NFIA: variants seen among roughly 807,000 people sequenced by gnomAD.
NFIA encodes nuclear factor I A, also known as nuclear factor 1 A-type.
Under a neutral mutation model 62.8 loss-of-function variants are expected in NFIA, and 8 were observed. The observed-to-expected ratio is 0.13, with a 90% CI of 0.07 to 0.23. The LOEUF (loss-of-function observed/expected upper bound fraction) is 0.23, where lower values mean the gene tolerates loss of function less well. Ranked by LOEUF, NFIA falls within the 10% of genes least tolerant of loss-of-function variation. The pLI, the probability that NFIA is intolerant of heterozygous loss-of-function variation, is 1.00. For synonymous variants in NFIA, 235 were observed against 238.1 expected (o/e 0.99, Z 0.12); for missense variants, 410 against 642.1 (o/e 0.64, Z 3.91).
Position 61,142,096 on chromosome 1 carries a change from TA to T in NFIA, c.559+53428del, listed in dbSNP as rs879607941. On this transcript the variant is annotated intron_variant, in intron 2 of 10. Transcript: ENST00000403491. ...TGAGTTTTTTTTCCTTTTCTTTCCT[TA>T]AAAAAAAAAAATTGTGCTTTTGGCA... 1.2e-3 allele frequency among the ~76,000 whole-genome samples: 175 copies of T among 146,496 alleles called. No individual in the cohort carries two copies. In the East Asian group the frequency reaches 0.014, roughly 11 times the overall value.
intron 2 of NFIA, among the ~76,000 whole-genome samples, chr1:61,272,166 T>C (rs942907588): frequency 3.9e-5 from 6 of 152,218 alleles, no homozygotes; most frequent in African/African-American, 1.4e-4. Context: ...AACCAGACCA[T>C]GATGGATAAT....
At chr1:61,389,199 A>C (rs7515667) in intron 7 of NFIA, among the ~76,000 whole-genome samples, 2,102 of 152,252 alleles carry the variant, frequency 0.014, 51 homozygotes, top group African/African-American at 0.048. Flanking sequence ...CTTCTCCTAG[A>C]CATGTTTCAG....
chr1:61,433,739 G>A (rs1228706406), intron 10 of NFIA, among the ~76,000 whole-genome samples: 3 of 152,080 alleles, frequency 2.0e-5, no homozygotes, highest in African/African-American at 7.2e-5. Flanking sequence ...AGTAGGCAGA[G>A]CTATTGTTAT....
chr1:61,356,117 A>G (rs1662939075), intron 5 of NFIA, among the ~76,000 whole-genome samples: 1 of 152,228 alleles, frequency 6.6e-6, no homozygotes, highest in Non-Finnish European at 1.5e-5. Context: ...ACTTGGATGA[A>G]TCCATGTCAC....
At chr1:61,348,102 CTG>C (rs1390954912) in intron 4 of NFIA, among the ~76,000 whole-genome samples, 1 of 152,212 alleles carries the variant, frequency 6.6e-6, no homozygotes, top group Non-Finnish European at 1.5e-5. Flanking sequence ...AAAGCTCTTT[CTG>C]TTCTCCAGAT....
intron 2 of NFIA, among the ~76,000 whole-genome samples, chr1:61,093,026 T>C: frequency 6.6e-6 from 1 of 152,344 alleles, no homozygotes; most frequent in Non-Finnish European, 1.5e-5. Flanking sequence ...AATATTATAA[T>C]TTTTATAAAT....
intron 2 of NFIA, among the ~76,000 whole-genome samples, chr1:61,202,433 A>G (rs964271108): frequency 6.6e-6 from 1 of 152,198 alleles, no homozygotes; most frequent in Non-Finnish European, 1.5e-5. Flanking sequence ...TTATTTGTGT[A>G]TGATCCTCAC....
intron 2 of NFIA, among the ~76,000 whole-genome samples, chr1:61,224,050 A>G (rs332831): frequency 0.66 from 100,767 of 151,836 alleles, 35,337 homozygotes; most frequent in African/African-American, 0.91. Context: ...AATGCTGATA[A>G]GATAGAATTT....
chr1:61,441,325 GTGTGTGTGTC>G (rs1283284356), intron 10 of NFIA, among the ~76,000 whole-genome samples: 3 of 150,218 alleles, frequency 2.0e-5, no homozygotes, highest in East Asian at 2.0e-4. Flanking sequence ...GTGTGTGTGT[GTGTGTGTGTC>G]TGTCTGTCTG....
chr1:61,176,009 G>A (rs1650316453), intron 2 of NFIA, among the ~76,000 whole-genome samples: 1 of 152,254 alleles, frequency 6.6e-6, no homozygotes, highest in Non-Finnish European at 1.5e-5. Flanking sequence ...TGCAGAGGAT[G>A]AGTGGGAATT....
chr1:61,404,359 C>T, intron 8 of NFIA, 77 bp downstream of exon 8: 1 of 1,383,482 alleles, frequency 7.2e-7, no homozygotes, highest in African/African-American at 1.5e-5. Flanking sequence ...ACCTTATGAT[C>T]ATGTGACGTT....
At chr1:61,283,594 A>AAAGAAAAAAG (rs770257658) in intron 3 of NFIA, among the ~76,000 whole-genome samples, 4 of 110,010 alleles carry the variant, frequency 3.6e-5, no homozygotes, top group Admixed American at 2.3e-4. Context: ...AAAAAAAAAA[A>AAAGAAAAAAG]AAAAAAAAAA....
intron 4 of NFIA, among the ~76,000 whole-genome samples, chr1:61,346,915 A>G (rs1237119036): frequency 6.6e-6 from 1 of 152,176 alleles, no homozygotes; most frequent in Non-Finnish European, 1.5e-5. Flanking sequence ...GTCCCCAGCA[A>G]AGGGGGAAGC....
At chr1:61,197,616 T>G (rs1253299768) in intron 2 of NFIA, among the ~76,000 whole-genome samples, 1 of 152,112 alleles carries the variant, frequency 6.6e-6, no homozygotes. Context: ...TATGATTCTC[T>G]TAATATTGCA....
At chr1:61,231,439 G>A (rs1392454862) in intron 2 of NFIA, among the ~76,000 whole-genome samples, 2 of 152,128 alleles carry the variant, frequency 1.3e-5, no homozygotes, top group African/African-American at 2.4e-5. Flanking sequence ...CTAGATTAAT[G>A]TCATTAGCTT....
At chr1:61,197,562 G>A (rs1246785640) in intron 2 of NFIA, among the ~76,000 whole-genome samples, 2 of 151,834 alleles carry the variant, frequency 1.3e-5, no homozygotes, top group Non-Finnish European at 2.9e-5. Flanking sequence ...AATAGTGAAA[G>A]ATTTATACCT....
intron 2 of NFIA, among the ~76,000 whole-genome samples, chr1:61,106,345 A>G (rs970342298): frequency 1.2e-4 from 18 of 151,924 alleles, no homozygotes; most frequent in African/African-American, 4.1e-4. Context: ...TTTAAGTCAG[A>G]CATACATTTG....
rs1652343022 is a variant in NFIA, at chr1:61,200,038, A to ATATG, written c.560-77479_560-77478insGTAT. Among the ~76,000 whole-genome samples the ATATG allele has an allele frequency of 1.1e-4, 5 of 46,988 alleles. 1 individual carries two copies. The highest frequency in any genetic ancestry group is 1.8e-3 in the South Asian group (2 of 1,110). The allele number at this position is 46,988 out of a possible 152,430, so 30.8% of individuals were successfully genotyped here. A position where few individuals can be genotyped will look rare whatever the true frequency, so the allele number is the denominator to read the frequency against. ...TATATATATATATATATATATATAT[A>ATATG]TATATATATATATATATATATATAT... On this transcript the variant is annotated intron_variant, in intron 2 of 10. Transcript: ENST00000403491.
intron 2 of NFIA, among the ~76,000 whole-genome samples, chr1:61,106,903 GTTTT>G (rs532383153): frequency 2.0e-5 from 3 of 149,970 alleles, no homozygotes; most frequent in Non-Finnish European, 4.5e-5. Context: ...AGTTTTGCTT[GTTTT>G]TTTAAGTTTT....
Sources: gnomAD v4.1 joint callset for allele counts (sites outside exome capture counted in the v4.1 genomes callset) on GRCh38, gnomAD v4.1.1 for gene constraint, MANE v1.5 for transcripts, NCBI Gene and HGNC (gene_info 2026-07-23, HGNC 2026-07-21) for gene names.